The following SPATA33 variants were observed in gnomAD, a reference collection of about 807,000 sequenced individuals.
The protein encoded by SPATA33 is spermatogenesis associated 33.
A neutral mutation model predicts 8.9 loss-of-function variants in SPATA33; 10 were observed. The ratio of observed to expected loss-of-function variants is 1.12; its 90% confidence interval spans 0.69 to 1.90. The LOEUF (loss-of-function observed/expected upper bound fraction) is 1.90. Ranked by LOEUF, SPATA33 falls within the 40% of genes most tolerant of loss-of-function variation. The pLI, the probability that SPATA33 is intolerant of heterozygous loss-of-function variation, is 0.00. For missense variants in SPATA33, 241 were observed against 178.3 expected, an observed-to-expected ratio of 1.35 and a Z score of -2.00; for synonymous variants, 96 against 72.8, an observed-to-expected ratio of 1.32 and a Z score of -1.63.
Position 89,658,254 on chromosome 16 carries a change from A to T in SPATA33, c.44A>T (p.Glu15Val). 6.2e-7 allele frequency: 1 copy of T among 1,614,162 alleles called. No homozygotes were observed. Among genetic ancestry groups the T allele is most frequent in the Non-Finnish European group, 8.5e-7 (1 of 1,180,008 alleles). ...GATGATCCATATATTTCAGGTGAGG[A>T]GCAAAAGAAGGGATCCACCTATTCA... is the stretch of plus-strand genomic sequence containing the variant. ...KSKEKPRKGEEQKKGSTYSVP... is the reference protein window; with the variant it reads ...KSKEKPRKGEVQKKGSTYSVP... Residue 15 changes from glutamate to valine, a missense_variant, in exon 2 of 3, where the codon GAG becomes GTG. Glu to Val is a moderately radical substitution (Grantham distance 121). Coordinates refer to ENST00000579310, the MANE Select transcript of SPATA33 (RefSeq NM_001271907.2).
At chr16:89,666,891 C>G (rs1339282938) in intron 2 of SPATA33, among the ~76,000 whole-genome samples, 1 of 152,222 alleles carries the variant, frequency 6.6e-6, no homozygotes, top group Non-Finnish European at 1.5e-5. Context: ...TTAGTACTTT[C>G]ACTAATTTGC....
At chr16:89,662,784 T>C (rs946307500) in intron 2 of SPATA33, among the ~76,000 whole-genome samples, 1 of 151,606 alleles carries the variant, frequency 6.6e-6, no homozygotes, top group Admixed American at 6.6e-5. Flanking sequence ...TTGAACACTT[T>C]TGTGACGTTT....
Position 89,666,924 on chromosome 16 carries a change from C to G in SPATA33, c.212-2362C>G, listed in dbSNP as rs565789600. Among the ~76,000 whole-genome samples the G allele has an allele frequency of 5.3e-5, 8 of 152,268 alleles. No homozygotes were observed. In the East Asian group the frequency reaches 1.5e-3, roughly 29 times the overall value. On this transcript the variant is annotated intron_variant, in intron 2 of 2. Transcript: ENST00000579310. The stretch of plus-strand genomic sequence containing the variant: ...TGCTACTGCTATCTAAAAGGCAGAG[C>G]CAGGTGTACAGGATGGAACATGAAG...
Position 89,657,887 on chromosome 16 carries a change from G to T in SPATA33, c.-25G>T, listed in dbSNP as rs1003324162. On this transcript the variant is annotated 5_prime_UTR_variant, in exon 1 of 3. Coordinates refer to ENST00000579310, the MANE Select transcript of SPATA33 (RefSeq NM_001271907.2). ...CGGAGGTGTGGGGACCCGGGCTTGC[G>T]TCGGAGGGGGCGGTGGGCTCACCCA... The T allele has an allele frequency of 2.0e-6, 3 of 1,516,276 alleles. No individual in the cohort carries two copies. The highest frequency in any genetic ancestry group is 1.4e-5 in the African/African-American group (1 of 69,658). The allele number at this position is 1,516,276 out of a possible 1,614,324, so 93.9% of individuals were successfully genotyped here.
At chr16:89,665,703 A>G (rs2060017661) in intron 2 of SPATA33, among the ~76,000 whole-genome samples, 5 of 152,166 alleles carry the variant, frequency 3.3e-5, no homozygotes, top group Admixed American at 3.3e-4. Context: ...AAATACGTTA[A>G]CTTCTGTAAA....
intron 2 of SPATA33, among the ~76,000 whole-genome samples, chr16:89,666,879 T>C (rs7206000): frequency 0.02 from 3,105 of 152,292 alleles, 110 homozygotes; most frequent in African/African-American, 0.07. Context: ...TATCAGAGAC[T>C]TTTAGTACTT....
rs1161888878 is a variant in SPATA33, at chr16:89,658,373, C to G, written c.163C>G (p.Pro55Ala). The change falls in exon 2 of 3, where the codon CCG (proline) becomes GCG (alanine). Residue 55 changes from proline to alanine, a missense_variant. Physicochemically the swap from Pro to Ala is conservative, Grantham distance 27 (BLOSUM62 -1). Coordinates refer to ENST00000579310, the MANE Select transcript of SPATA33 (RefSeq NM_001271907.2). Reference sequence around the variant, plus strand: ...GGAGAAGCCTGTGGACAGCCTCCACCCGGGGGCCGGGACAGCCAAGCACCC... The same window carrying G: ...GGAGAAGCCTGTGGACAGCCTCCACGCGGGGGCCGGGACAGCCAAGCACCC... ...ESEKPVDSLH[P>A]GAGTAKHPPP... 6.2e-7 allele frequency: 1 copy of G among 1,612,878 alleles called. No individual in the cohort carries two copies. The highest frequency in any genetic ancestry group is 1.3e-5 in the African/African-American group (1 of 74,932).
intron 2 of SPATA33, chr16:89,658,680 G>A (rs2059921152): frequency 5.7e-6 from 3 of 526,332 alleles, no homozygotes; most frequent in Non-Finnish European, 1.0e-5. Flanking sequence ...CTGGGGCAGT[G>A]TGCGTGTGTC....
intron 2 of SPATA33, among the ~76,000 whole-genome samples, chr16:89,665,561 G>A (rs1043457721): frequency 3.3e-5 from 5 of 151,080 alleles, no homozygotes; most frequent in African/African-American, 4.9e-5. Flanking sequence ...TGATCCGCCC[G>A]CATCGGCCTC....
chr16:89,658,800 T>G, intron 2 of SPATA33: 1 of 253,326 alleles, frequency 3.9e-6, no homozygotes. Context: ...GGACTGTAGC[T>G]CTCCGAGGGC....
At chr16:89,663,211 CAGA>C (rs1311993223) in intron 2 of SPATA33, among the ~76,000 whole-genome samples, 1 of 151,432 alleles carries the variant, frequency 6.6e-6, no homozygotes, top group African/African-American at 2.4e-5. Context: ...AAGCCAATCC[CAGA>C]AGGTCACATG....
intron 2 of SPATA33, chr16:89,661,105 G>T (rs568702208): frequency 2.0e-6 from 2 of 985,582 alleles, no homozygotes; most frequent in East Asian, 1.1e-4. Flanking sequence ...AACTGCTGAG[G>T]TTTGGGGTAA....
chr16:89,661,129 A>C, intron 2 of SPATA33: 3 of 985,516 alleles, frequency 3.0e-6, no homozygotes, highest in Non-Finnish European at 3.6e-6. Flanking sequence ...ACTATGAAGC[A>C]GTAGTGAGAA....
chr16:89,662,336 A>G (rs1344011681), intron 2 of SPATA33, among the ~76,000 whole-genome samples: 2 of 152,040 alleles, frequency 1.3e-5, no homozygotes, highest in Non-Finnish European at 2.9e-5. Context: ...AGAAAGAACA[A>G]GATAACAAAA....
intron 1 of SPATA33, 132 bp from the exon 2 acceptor site, chr16:89,658,116 G>A (rs2059907165): frequency 6.6e-7 from 1 of 1,511,580 alleles, no homozygotes. Flanking sequence ...CGCCTGAGGC[G>A]GTTACGGAAA....
At chr16:89,661,303 C>T (rs1375796167) in intron 2 of SPATA33, 1 of 708,102 alleles carries the variant, frequency 1.4e-6, no homozygotes, top group Non-Finnish European at 1.7e-6. Flanking sequence ...GGGGGCAGGT[C>T]TTTCCTGTGC....
At chr16:89,661,163 G>A (rs768956203) in intron 2 of SPATA33, 1 of 985,366 alleles carries the variant, frequency 1.0e-6, no homozygotes, top group East Asian at 1.1e-4. Context: ...ATGATGGGGA[G>A]AAAGTTTGGC....
rs2060072934 is a variant in SPATA33 at position 89,669,580 on chromosome 16, C to T, written c.*83C>T. On this transcript the variant is annotated 3_prime_UTR_variant, in exon 3 of 3. Coordinates refer to ENST00000579310, the MANE Select transcript of SPATA33 (RefSeq NM_001271907.2). ...GCCTCACCCTGTGAGAAGCCGAGGC[C>T]CCTTCTCCAGTGCTCTCGGGGAGGT... is the stretch of plus-strand genomic sequence containing the variant. The T allele has an allele frequency of 1.4e-6, 2 of 1,422,448 alleles. No homozygotes were observed. Among genetic ancestry groups the T allele is most frequent in the African/African-American group, 1.4e-5 (1 of 70,158 alleles). 88.1% of individuals were successfully genotyped at this position (1,422,448 alleles called of 1,614,324 possible).
chr16:89,663,853 T>C (rs897214347), intron 2 of SPATA33, among the ~76,000 whole-genome samples: 4 of 152,222 alleles, frequency 2.6e-5, no homozygotes, highest in Non-Finnish European at 2.9e-5. Context: ...GCACAGTGGC[T>C]CACGCCTGTA....
Sources: gnomAD v4.1 joint callset for allele counts (sites outside exome capture counted in the v4.1 genomes callset) on GRCh38, gnomAD v4.1.1 for gene constraint, MANE v1.5 for transcripts, NCBI Gene and HGNC (gene_info 2026-07-23, HGNC 2026-07-21) for gene names.